The following RAI1 variants were observed in gnomAD, a reference collection of about 807,000 sequenced individuals.
The protein encoded by RAI1 is retinoic acid induced 1.
RAI1 carries 9 observed loss-of-function variants against 123.8 expected under a neutral mutation model. That is an observed-to-expected ratio of 0.07 (90% CI 0.04 to 0.13). The LOEUF (loss-of-function observed/expected upper bound fraction) is 0.13. Ranked by LOEUF, RAI1 falls within the 10% of genes least tolerant of loss-of-function variation. The pLI is 1.00. For missense variants in RAI1, 2,256 were observed against 2,545.8 expected (o/e 0.89, Z 2.45); for synonymous variants, 1,231 against 1,127.3 (o/e 1.09, Z -1.84).
At chr17:17,741,405 A>G (rs1208107486) in intron 2 of RAI1, among the ~76,000 whole-genome samples, 3 of 152,128 alleles carry the variant, frequency 2.0e-5, no homozygotes, top group Admixed American at 6.5e-5. Context: ...CCATCACCCC[A>G]TTAATAAGAC....
At chr17:17,769,154 G>C (rs1433824512) in intron 2 of RAI1, among the ~76,000 whole-genome samples, 2 of 152,272 alleles carry the variant, frequency 1.3e-5, no homozygotes, top group African/African-American at 4.8e-5. Flanking sequence ...CTTGGCTCAT[G>C]TCTTCACGAA....
chr17:17,780,075 T>TGC (rs2031514220), intron 2 of RAI1, among the ~76,000 whole-genome samples: 1 of 81,342 alleles, frequency 1.2e-5, no homozygotes, highest in South Asian at 6.3e-4. Flanking sequence ...CCACCCAGGC[T>TGC]TTTTTTTAAG....
chr17:17,780,074 C>CT (rs1555563206), intron 2 of RAI1, among the ~76,000 whole-genome samples: 1 of 76,916 alleles, frequency 1.3e-5, no homozygotes, highest in Non-Finnish European at 2.6e-5. Flanking sequence ...TCCACCCAGG[C>CT]TTTTTTTTAA....
chr17:17,810,511 G>C lies in RAI1; in HGVS notation c.*530G>C, dbSNP rs1240935164. 3.7e-6 allele frequency: 1 copy of C among 267,258 alleles called. No homozygotes were observed. Among genetic ancestry groups the C allele is most frequent in the Non-Finnish European group, 7.5e-6 (1 of 133,608 alleles). The allele number at this position is 267,258 out of a possible 1,614,324, so 16.6% of individuals were successfully genotyped here. On this transcript the variant is annotated 3_prime_UTR_variant, in exon 6 of 6. Coordinates refer to ENST00000353383, the MANE Select transcript of RAI1 (RefSeq NM_030665.4). This position sits in a 1 kb window ranked among gnomAD's most constrained non-coding sequence, Gnocchi z 4.6. ...GTGGACTAGGCGGGGGAGAAAGGAA[G>C]CCTTTCTGAGAGCGGGCTAGGCCGG...
intron 2 of RAI1, among the ~76,000 whole-genome samples, chr17:17,756,165 C>T (rs1293025696): frequency 3.3e-5 from 5 of 151,810 alleles, no homozygotes; most frequent in East Asian, 1.9e-4. Flanking sequence ...GGACCTGGCA[C>T]GGGGGTGCCT....
intron 1 of RAI1, among the ~76,000 whole-genome samples, chr17:17,713,352 A>G (rs988029685): frequency 6.6e-6 from 1 of 152,138 alleles, no homozygotes; most frequent in Non-Finnish European, 1.5e-5. Context: ...CTAAATAATA[A>G]TAATAGGCCA....
chr17:17,739,213 G>T (rs767742588), intron 2 of RAI1, among the ~76,000 whole-genome samples: 5 of 152,144 alleles, frequency 3.3e-5, no homozygotes, highest in Non-Finnish European at 7.4e-5. Context: ...GCCAAGCTCT[G>T]CAAGGCCCTG....
At chr17:17,787,816 G>A (rs780558000) in intron 2 of RAI1, among the ~76,000 whole-genome samples, 2 of 152,230 alleles carry the variant, frequency 1.3e-5, no homozygotes, top group Non-Finnish European at 2.9e-5. Context: ...CCAGGCCAGC[G>A]GGTGGGCGTG....
intron 1 of RAI1, among the ~76,000 whole-genome samples, chr17:17,694,305 C>T (rs1168972621): frequency 6.6e-6 from 1 of 152,178 alleles, no homozygotes; most frequent in Non-Finnish European, 1.5e-5. Context: ...ACTGCCCCCT[C>T]CTCGTCGCGG....
intron 4 of RAI1, among the ~76,000 whole-genome samples, chr17:17,808,414 A>ATCTTATTATT (rs1365394232): frequency 7.9e-6 from 1 of 125,900 alleles, no homozygotes; most frequent in African/African-American, 3.2e-5. Flanking sequence ...ATTTTATTTT[A>ATCTTATTATT]TTATTTTATT....
At position 17,771,173 on chromosome 17, in the gene RAI1, G is replaced by A. The variant is rs565426119; in HGVS notation, c.-16-21760G>A. Among the ~76,000 whole-genome samples, 503 of 152,304 alleles carry A rather than the reference G, an allele frequency of 3.3e-3. 2 individuals carry two copies. Among genetic ancestry groups the A allele is most frequent in the Middle Eastern group, 6.8e-3 (2 of 294 alleles). On this transcript the variant is annotated intron_variant, in intron 2 of 5. Coordinates refer to ENST00000353383, the MANE Select transcript of RAI1 (RefSeq NM_030665.4). The stretch of plus-strand genomic sequence containing the variant: ...GGTGTCATGAAGAAGGGCCCTAGGA[G>A]CTACCCGCCATGTTTTTAAAAGCCT...
At chr17:17,709,430 A>G (rs894408850) in intron 1 of RAI1, among the ~76,000 whole-genome samples, 1 of 151,156 alleles carries the variant, frequency 6.6e-6, no homozygotes. Flanking sequence ...TCTCTTCTCC[A>G]CCCCTCCAGG....
chr17:17,810,144 G>A lies in RAI1; in HGVS notation c.*163G>A, dbSNP rs1598102777. ...CCGGATCGTGGATCCGGCCGCCTAG[G>A]GCTCAGACTTGCGGCCCCGGGTTGG... On this transcript the variant is annotated 3_prime_UTR_variant, in exon 6 of 6. Transcript: ENST00000353383. The surrounding 1 kb of genome is among the most constrained non-coding windows in gnomAD (Gnocchi z 4.6). 1 of 1,045,734 alleles carries A rather than the reference G, an allele frequency of 9.6e-7. No individual in the cohort carries two copies. Among genetic ancestry groups the A allele is most frequent in the South Asian group, 1.7e-5 (1 of 58,630 alleles). The allele number at this position is 1,045,734 out of a possible 1,614,324, so 64.8% of individuals were successfully genotyped here.
At chr17:17,726,076 G>T in intron 2 of RAI1, among the ~76,000 whole-genome samples, 1 of 152,166 alleles carries the variant, frequency 6.6e-6, no homozygotes, top group East Asian at 1.9e-4. Flanking sequence ...TCGGCTGGGT[G>T]GTGCCTTGTT....
chr17:17,769,353 C>T (rs538811245), intron 2 of RAI1, among the ~76,000 whole-genome samples: 3 of 152,332 alleles, frequency 2.0e-5, no homozygotes, highest in African/African-American at 7.2e-5. Flanking sequence ...AAGCCTTCTG[C>T]GCAGGCCTCC....
Position 17,800,181 on chromosome 17 carries a change from T to TCTCTCTCTGTCTCTCTCC in RAI1, c.5565+1676_5565+1677insGTCTCTCTCCCTCTCTCT, listed in dbSNP as rs1856719708. Among the ~76,000 whole-genome samples, 11 of 17,568 alleles carry TCTCTCTCTGTCTCTCTCC rather than the reference T, an allele frequency of 6.3e-4. No homozygotes were observed. The highest frequency in any genetic ancestry group is 1.0e-3 in the Non-Finnish European group (11 of 10,992). 11.5% of individuals were successfully genotyped at this position (17,568 alleles called of 152,430 possible). Reference sequence around the variant, plus strand: ...CTCTCCTGCTTTCTGTCTCTCTCTGTCTCTCTCTCTCTCTCTCTCTCTCTC... The same window carrying TCTCTCTCTGTCTCTCTCC: ...CTCTCCTGCTTTCTGTCTCTCTCTGTCTCTCTCTGTCTCTCTCCCTCTCTCTCTCTCTCTCTCTCTCTC... On this transcript the variant is annotated intron_variant, in intron 3 of 5. Coordinates refer to ENST00000353383, the MANE Select transcript of RAI1 (RefSeq NM_030665.4). This position sits in a 1 kb window ranked among gnomAD's most constrained non-coding sequence, Gnocchi z 4.7.
intron 1 of RAI1, among the ~76,000 whole-genome samples, chr17:17,721,646 C>G (rs1303224795): frequency 1.3e-5 from 2 of 152,162 alleles, no homozygotes; most frequent in Admixed American, 1.3e-4. Context: ...GACATTCCAG[C>G]CAGGTTGGTG....
At chr17:17,788,916 T>C (rs1228755195) in intron 2 of RAI1, among the ~76,000 whole-genome samples, 2 of 152,206 alleles carry the variant, frequency 1.3e-5, no homozygotes, top group Admixed American at 6.5e-5. Flanking sequence ...GACCTCTCCC[T>C]GAGGCTGCCC....
intron 1 of RAI1, among the ~76,000 whole-genome samples, chr17:17,693,175 G>C (rs982953730): frequency 6.6e-6 from 1 of 152,224 alleles, no homozygotes; most frequent in Non-Finnish European, 1.5e-5. Flanking sequence ...TGACGCCCCC[G>C]TGCAGCCTGT....
Sources: gnomAD v4.1 joint callset for allele counts (sites outside exome capture counted in the v4.1 genomes callset) on GRCh38, gnomAD v4.1.1 for gene constraint, Gnocchi (gnomAD v3.1) non-coding constraint, MANE v1.5 for transcripts, NCBI Gene and HGNC (gene_info 2026-07-23, HGNC 2026-07-21) for gene names.